Variants in MYO5B observed in about 807,000 individuals in gnomAD.
MYO5B encodes myosin VB.
Under a neutral mutation model 229.3 loss-of-function variants are expected in MYO5B, and 143 were observed. The observed-to-expected ratio is 0.62, with a 90% CI of 0.54 to 0.72. The LOEUF (loss-of-function observed/expected upper bound fraction) is 0.72. Ranked by LOEUF, MYO5B falls within the 30% of genes least tolerant of loss-of-function variation. MYO5B has a pLI of 0.00. For synonymous variants in MYO5B, 918 were observed against 885.2 expected (o/e 1.04, Z -0.66); for missense variants, 2,321 against 2,331.0 (o/e 1.00, Z 0.09).
intron 14 of MYO5B, among the ~76,000 whole-genome samples, chr18:49,950,330 T>G (rs972200013): frequency 6.6e-6 from 1 of 152,128 alleles, no homozygotes; most frequent in Non-Finnish European, 1.5e-5. Flanking sequence ...GAGGAGGAAG[T>G]TGCATTTCAA....
At chr18:50,160,635 C>T (rs751655182) in intron 1 of MYO5B, among the ~76,000 whole-genome samples, 3 of 151,902 alleles carry the variant, frequency 2.0e-5, no homozygotes, top group East Asian at 1.9e-4. Flanking sequence ...ATGAGAGGGT[C>T]GGGGGGTGGC....
At chr18:50,100,720 C>A (rs945360231) in intron 1 of MYO5B, among the ~76,000 whole-genome samples, 2 of 152,348 alleles carry the variant, frequency 1.3e-5, no homozygotes, top group African/African-American at 4.8e-5. Context: ...ATCAGCAAAC[C>A]AAACCAGAGC....
Position 50,017,578 on chromosome 18 carries a change from C to G in MYO5B, c.456-16167G>C, listed in dbSNP as rs543202369. Among the ~76,000 whole-genome samples, 5 of 152,248 alleles carry G rather than the reference C, an allele frequency of 3.3e-5. No homozygotes were observed. The East Asian group carries it at 5.8e-4, about 18-fold the overall frequency. ...CATTTGGGTTGTTTTCACTTTTTGA[C>G]CATTACGAATAACGCTACTATAAAT... On this transcript the variant is annotated intron_variant, in intron 4 of 39. Coordinates refer to ENST00000285039, the MANE Select transcript of MYO5B (RefSeq NM_001080467.3).
intron 30 of MYO5B, among the ~76,000 whole-genome samples, chr18:49,854,191 CATACAATTATTGCAT>C (rs1445502785): frequency 6.6e-6 from 1 of 152,212 alleles, no homozygotes; most frequent in Admixed American, 6.5e-5. Context: ...TTATTTTATA[CATACAATTATTGCAT>C]ATACAATTTT....
At chr18:50,123,529 C>A (rs886531090) in intron 1 of MYO5B, among the ~76,000 whole-genome samples, 5 of 152,054 alleles carry the variant, frequency 3.3e-5, no homozygotes, top group African/African-American at 9.7e-5. Flanking sequence ...GAATTCGAGA[C>A]CAGCCTGGGC....
intron 1 of MYO5B, among the ~76,000 whole-genome samples, chr18:50,116,496 T>C (rs528256664): frequency 6.6e-6 from 1 of 152,206 alleles, no homozygotes; most frequent in East Asian, 1.9e-4. Flanking sequence ...CATTCCCCTC[T>C]GTAGCAAGAG....
chr18:49,864,472 TG>T (rs1415059394), intron 27 of MYO5B, 92 bp from the exon 28 acceptor site: 1 of 1,550,864 alleles, frequency 6.4e-7, no homozygotes, highest in African/African-American at 1.4e-5. Context: ...TTTTGTCCAC[TG>T]GGAAACTTCG....
intron 1 of MYO5B, among the ~76,000 whole-genome samples, chr18:50,187,788 A>G (rs930343920): frequency 6.6e-6 from 1 of 152,138 alleles, no homozygotes; most frequent in South Asian, 2.1e-4. Context: ...AAGTGCTAGG[A>G]TTACAGGTGT....
At chr18:50,130,847 G>A (rs1028546023) in intron 1 of MYO5B, among the ~76,000 whole-genome samples, 9 of 152,160 alleles carry the variant, frequency 5.9e-5, no homozygotes, top group East Asian at 1.9e-4. Flanking sequence ...AAGGAATCCC[G>A]AATAAGCTCA....
In MYO5B at chr18:50,115,047, T is replaced by A. The variant is rs139662019; in HGVS notation, c.28-59669A>T. Among the ~76,000 whole-genome samples the A allele has an allele frequency of 2.6e-3, 395 of 152,306 alleles. 2 individuals are homozygous for A. The highest frequency in any genetic ancestry group is 8.8e-3 in the African/African-American group (366 of 41,560). On this transcript the variant is annotated intron_variant, in intron 1 of 39. Coordinates refer to ENST00000285039, the MANE Select transcript of MYO5B (RefSeq NM_001080467.3). Reference sequence around the variant, plus strand: ...GACAGCACCTTTCTGATTCCACAATTTGATGGTCCACTCAGTGCTGAATCT... The same window carrying A: ...GACAGCACCTTTCTGATTCCACAATATGATGGTCCACTCAGTGCTGAATCT...
At chr18:50,109,426 C>CTT (rs901383493) in intron 1 of MYO5B, among the ~76,000 whole-genome samples, 14 of 130,622 alleles carry the variant, frequency 1.1e-4, no homozygotes, top group South Asian at 2.7e-4. Context: ...CATGATTTTT[C>CTT]TTTTTTTTTT....
chr18:50,182,929 G>A (rs2033093414), intron 1 of MYO5B, among the ~76,000 whole-genome samples: 1 of 152,142 alleles, frequency 6.6e-6, no homozygotes, highest in Admixed American at 6.5e-5. Flanking sequence ...TGGGAACTGT[G>A]AGGGATGTGA....
At chr18:49,962,633 C>A (rs919796417) in intron 11 of MYO5B, among the ~76,000 whole-genome samples, 1 of 152,072 alleles carries the variant, frequency 6.6e-6, no homozygotes, top group Non-Finnish European at 1.5e-5. Flanking sequence ...CCTGAGTTGC[C>A]GTATTCCCAT....
intron 14 of MYO5B, among the ~76,000 whole-genome samples, chr18:49,947,101 C>CTTTTTTTT (rs74176748): frequency 3.7e-5 from 4 of 108,292 alleles, no homozygotes; most frequent in Admixed American, 1.1e-4. Context: ...TCACCAAGCT[C>CTTTTTTTT]TTTTTTTTTT....
At position 49,885,843 on chromosome 18, in the gene MYO5B, G is replaced by T. The variant is rs963007675; in HGVS notation, c.3046-5388C>A. 2.6e-5 allele frequency among the ~76,000 whole-genome samples: 4 copies of T among 152,168 alleles called. No individual in the cohort carries two copies. The East Asian group carries it at 7.7e-4, about 29-fold the overall frequency. ...GGGGAGCTGCTGATGGGTCTGTAGTGGCCTTACATTAGGTTTGTCCTTTAA... is the reference window on the plus strand; with the variant it reads ...GGGGAGCTGCTGATGGGTCTGTAGTTGCCTTACATTAGGTTTGTCCTTTAA... On this transcript the variant is annotated intron_variant, in intron 22 of 39. Transcript: ENST00000285039.
At chr18:49,945,321 C>T (rs543977828) in intron 14 of MYO5B, among the ~76,000 whole-genome samples, 4 of 152,174 alleles carry the variant, frequency 2.6e-5, no homozygotes, top group African/African-American at 9.7e-5. Flanking sequence ...CCACTGGGAA[C>T]TCCGAATTCA....
chr18:49,860,041 A>T (rs2024310315), intron 29 of MYO5B, among the ~76,000 whole-genome samples: 1 of 152,146 alleles, frequency 6.6e-6, no homozygotes, highest in South Asian at 2.1e-4. Flanking sequence ...CCCAGGTGCC[A>T]ATGCCTGGAG....
intron 22 of MYO5B, among the ~76,000 whole-genome samples, chr18:49,888,632 G>A (rs1490755616): frequency 6.6e-6 from 1 of 152,162 alleles, no homozygotes; most frequent in African/African-American, 2.4e-5. Context: ...CTTGTGAATG[G>A]CTTCTCTTCC....
chr18:50,001,856 C>G (rs951849563), intron 4 of MYO5B, among the ~76,000 whole-genome samples: 1 of 151,976 alleles, frequency 6.6e-6, no homozygotes, highest in Non-Finnish European at 1.5e-5. Context: ...ATGGTGAAAC[C>G]CTGTCTCTAC....
Sources: allele counts gnomAD v4.1 joint callset (sites outside exome capture counted in the v4.1 genomes callset), GRCh38; gene constraint gnomAD v4.1.1; transcripts MANE v1.5; gene names NCBI Gene and HGNC (gene_info 2026-07-23, HGNC 2026-07-21).